TMPPE: variants seen among roughly 807,000 people sequenced by gnomAD.
The protein encoded by TMPPE is transmembrane protein with metallophosphoesterase domain.
TMPPE carries 16 observed loss-of-function variants against 22.6 expected under a neutral mutation model. That is an observed-to-expected ratio of 0.71 (90% CI 0.48 to 1.08). The LOEUF is 1.08. Among genes scored for constraint, TMPPE ranks in the 50% least tolerant of loss-of-function variants. The pLI is 0.00. For synonymous variants in TMPPE, 240 were observed against 245.3 expected, an observed-to-expected ratio of 0.98 and a Z score of 0.20; for missense variants, 526 against 584.3, an observed-to-expected ratio of 0.90 and a Z score of 1.03.
chr3:33,093,559 A>C lies in TMPPE; in HGVS notation c.637T>G (p.Ser213Ala), dbSNP rs547361328. Residue 213 changes from serine to alanine, a missense_variant, in exon 2 of 2, where the codon TCA becomes GCA. Transcript: ENST00000342462. The surrounding 1 kb of genome is among the most constrained non-coding windows in gnomAD (Gnocchi z 6.0). ...ACTGTGGGGCCCAAGTGAATGTCTG[A>C]GAGGAGCACGATCTTGAGGTTGTTC... is the stretch of plus-strand genomic sequence containing the variant. Reference protein sequence around the residue: ...SMNNLKIVLLSDIHLGPTVGR... With the variant: ...SMNNLKIVLLADIHLGPTVGR... The C allele has an allele frequency of 1.1e-5, 17 of 1,614,186 alleles. No homozygotes were observed. In the Admixed American group the frequency reaches 1.8e-4, roughly 17 times the overall value.
In TMPPE at chr3:33,092,691, C is replaced by T. The variant is rs72856190; in HGVS notation, c.*143G>A. Reference sequence around the variant, plus strand: ...TGCCAGGCAGGCCCACCATAAGTCACTGTTTGAGTCAGGCTTGTGACCAAG... The same window carrying T: ...TGCCAGGCAGGCCCACCATAAGTCATTGTTTGAGTCAGGCTTGTGACCAAG... On this transcript the variant is annotated 3_prime_UTR_variant, in exon 2 of 2. Transcript: ENST00000342462. The T allele has an allele frequency of 8.3e-3, 11,863 of 1,433,452 alleles. 398 individuals are homozygous for T. In the African/African-American group the frequency reaches 0.087, roughly 11 times the overall value. The allele number at this position is 1,433,452 out of a possible 1,614,324, so 88.8% of individuals were successfully genotyped here. A position where few individuals can be genotyped will look rare whatever the true frequency, so the allele number is the denominator to read the frequency against.
rs1258171189 is a variant in TMPPE at position 33,090,607 on chromosome 3, G to A, written c.*2227C>T. On this transcript the variant is annotated 3_prime_UTR_variant, in exon 2 of 2. Coordinates refer to ENST00000342462, the MANE Select transcript of TMPPE (RefSeq NM_001039770.3). ...AGTAACGTTTCTCACCACCTCCCCC[G>A]GCCACAAACAAACAAAAAGGTCCAT... 19 of 985,320 alleles carry A rather than the reference G, an allele frequency of 1.9e-5. No homozygotes were observed. The African/African-American group carries it at 2.4e-4, about 13-fold the overall frequency. 61.0% of individuals were successfully genotyped at this position (985,320 alleles called of 1,614,324 possible).
At position 33,096,896 on chromosome 3, in the gene TMPPE, T is replaced by A; in HGVS notation, c.-286A>T. The A allele has an allele frequency of 6.7e-7, 1 of 1,501,464 alleles. No homozygotes were observed. The highest frequency in any genetic ancestry group is 1.3e-5 in the South Asian group (1 of 78,856). The allele number at this position is 1,501,464 out of a possible 1,614,324, so 93.0% of individuals were successfully genotyped here. A position where few individuals can be genotyped will look rare whatever the true frequency, so the allele number is the denominator to read the frequency against. On this transcript the variant is annotated 5_prime_UTR_variant, in exon 1 of 2. It adds an upstream start codon to the 5' untranslated region. Coordinates refer to ENST00000342462, the MANE Select transcript of TMPPE (RefSeq NM_001039770.3). ...CGGCCGCGAGCCTGCTGGGGGGCAC[T>A]TCGGGGCTCAGGCTCCCCGCCCTGC...
In TMPPE at chr3:33,091,132, A is replaced by C; in HGVS notation, c.*1702T>G. 1 of 985,472 alleles carries C rather than the reference A, an allele frequency of 1.0e-6. No individual in the cohort carries two copies. The highest frequency in any genetic ancestry group is 1.2e-6 in the Non-Finnish European group (1 of 829,946). The allele number at this position is 985,472 out of a possible 1,614,324, so 61.0% of individuals were successfully genotyped here. A position where few individuals can be genotyped will look rare whatever the true frequency, so the allele number is the denominator to read the frequency against. On this transcript the variant is annotated 3_prime_UTR_variant, in exon 2 of 2. Coordinates refer to ENST00000342462, the MANE Select transcript of TMPPE (RefSeq NM_001039770.3). Reference sequence around the variant, plus strand: ...AACTTAAAGGGAGTAAGGATGATTCACAAAATGCGGTCGGGACACAAGAAA... The same window carrying C: ...AACTTAAAGGGAGTAAGGATGATTCCCAAAATGCGGTCGGGACACAAGAAA...
intron 1 of TMPPE, among the ~76,000 whole-genome samples, chr3:33,094,930 G>A (rs1206127952): frequency 6.6e-6 from 1 of 152,118 alleles, no homozygotes; most frequent in African/African-American, 2.4e-5. Flanking sequence ...ATTCTCTAGG[G>A]CTGGGCACAG....
chr3:33,091,631 A>G lies in TMPPE; in HGVS notation c.*1203T>C. The G allele has an allele frequency of 1.0e-6, 1 of 984,322 alleles. No homozygotes were observed. The highest frequency in any genetic ancestry group is 1.2e-6 in the Non-Finnish European group (1 of 828,898). The allele number at this position is 984,322 out of a possible 1,614,324, so 61.0% of individuals were successfully genotyped here. ...GATCCCTCCTGACAAAACAATCTTG[A>G]GGTAGATACGATAATTATCCCCATT... is the stretch of plus-strand genomic sequence containing the variant. On this transcript the variant is annotated 3_prime_UTR_variant, in exon 2 of 2. Coordinates refer to ENST00000342462, the MANE Select transcript of TMPPE (RefSeq NM_001039770.3).
chr3:33,093,216 T>C lies in TMPPE; in HGVS notation c.980A>G (p.Asp327Gly). 6.2e-7 allele frequency: 1 copy of C among 1,606,088 alleles called. No individual in the cohort carries two copies. The highest frequency in any genetic ancestry group is 8.5e-7 in the Non-Finnish European group (1 of 1,179,904). Reference protein sequence around the residue: ...GGSGSGSEDEDWICLAGVDDI... With the variant: ...GGSGSGSEDEGWICLAGVDDI... Reference sequence around the variant, plus strand: ...GTCCACCCCAGCCAAGCAGATCCAGTCCTCATCCTCACTCCCACTGCCACT... The same window carrying C: ...GTCCACCCCAGCCAAGCAGATCCAGCCCTCATCCTCACTCCCACTGCCACT... Residue 327 changes from aspartate (D) to glycine (G), a missense_variant, in exon 2 of 2, where the codon GAC (aspartate) becomes GGC (glycine). By Grantham distance (94) the Asp-to-Gly change is moderately conservative. Coordinates refer to ENST00000342462, the MANE Select transcript of TMPPE (RefSeq NM_001039770.3). The surrounding 1 kb of genome is among the most constrained non-coding windows in gnomAD (Gnocchi z 6.0).
chr3:33,092,201 A>T lies in TMPPE; in HGVS notation c.*633T>A, dbSNP rs145092087. 766 of 985,864 alleles carry T rather than the reference A, an allele frequency of 7.8e-4. 7 individuals carry two copies. The African/African-American group carries it at 0.012, about 15-fold the overall frequency. The allele number at this position is 985,864 out of a possible 1,614,324, so 61.1% of individuals were successfully genotyped here. On this transcript the variant is annotated 3_prime_UTR_variant, in exon 2 of 2. Transcript: ENST00000342462. ...CAAAGGCCCAGGAGCACAGACAGTT[A>T]AATAGCATCCCTCAAGGCCTGGAAC...
Position 33,090,499 on chromosome 3 carries a change from T to C in TMPPE, c.*2335A>G. 2 of 985,360 alleles carry C rather than the reference T, an allele frequency of 2.0e-6. No individual in the cohort carries two copies. The highest frequency in any genetic ancestry group is 2.4e-6 in the Non-Finnish European group (2 of 829,900). The allele number at this position is 985,360 out of a possible 1,614,324, so 61.0% of individuals were successfully genotyped here. A position where few individuals can be genotyped will look rare whatever the true frequency, so the allele number is the denominator to read the frequency against. On this transcript the variant is annotated 3_prime_UTR_variant, in exon 2 of 2. Transcript: ENST00000342462. ...TATACTACAGACACTATTGCTGATTTTCAAAAAGCATTGCATTTCAATTTG... is the reference window on the plus strand; with the variant it reads ...TATACTACAGACACTATTGCTGATTCTCAAAAAGCATTGCATTTCAATTTG...
chr3:33,096,164 T>C (rs1398294412), intron 1 of TMPPE, among the ~76,000 whole-genome samples: 1 of 152,128 alleles, frequency 6.6e-6, no homozygotes, highest in African/African-American at 2.4e-5. Context: ...GAACCAAAGT[T>C]GGTCCGCGGA....
chr3:33,096,949 C>G lies in TMPPE; in HGVS notation c.-339G>C. On this transcript the variant is annotated 5_prime_UTR_variant, in exon 1 of 2. Transcript: ENST00000342462. ...GACCGCGGGTGGCTGCGACCCCAGCCCGGTTCCCCGCCAGCCTGTCCCCTA... is the reference window on the plus strand; with the variant it reads ...GACCGCGGGTGGCTGCGACCCCAGCGCGGTTCCCCGCCAGCCTGTCCCCTA... The G allele has an allele frequency of 1.3e-6, 2 of 1,581,060 alleles. No individual in the cohort carries two copies. Among genetic ancestry groups the G allele is most frequent in the Non-Finnish European group, 1.7e-6 (2 of 1,165,084 alleles).
chr3:33,094,184 G>A lies in TMPPE; in HGVS notation c.12C>T (p.Phe4=). The A allele has an allele frequency of 6.2e-7, 1 of 1,601,154 alleles. No homozygotes were observed. The highest frequency in any genetic ancestry group is 1.7e-4 in the Middle Eastern group (1 of 5,986). ...CCTTCGCGCCTAGGGACAGCTGCCT[G>A]AAGATGGCCATTTTCTCTGCTCCTA... MAI[F]RQLSLGAKAT... Residue 4 remains phenylalanine, a synonymous_variant, in exon 2 of 2, where the codon TTC becomes TTT. Coordinates refer to ENST00000342462, the MANE Select transcript of TMPPE (RefSeq NM_001039770.3).
chr3:33,093,909 G>T lies in TMPPE; in HGVS notation c.287C>A (p.Ala96Asp). 6.2e-7 allele frequency: 1 copy of T among 1,613,988 alleles called. No homozygotes were observed. The highest frequency in any genetic ancestry group is 8.5e-7 in the Non-Finnish European group (1 of 1,179,978). The change falls in exon 2 of 2, where the codon GCC becomes GAC. Residue 96 changes from alanine (A) to aspartate (D), a missense_variant. Ala to Asp is a moderately radical substitution (Grantham distance 126). Coordinates refer to ENST00000342462, the MANE Select transcript of TMPPE (RefSeq NM_001039770.3). The surrounding 1 kb of genome is among the most constrained non-coding windows in gnomAD (Gnocchi z 6.0). ...GAACATGGTAAAGAAACTGGAATGG[G>T]CCAGGGCCAGAAATGCCAGAACCAC... ...KVVVLAFLAL[A>D]HSSFFTMFFL...
rs890672481 is a variant in TMPPE at position 33,090,570 on chromosome 3, G to T, written c.*2264C>A. 2.9e-5 allele frequency: 29 copies of T among 985,270 alleles called. No individual in the cohort carries two copies. Among genetic ancestry groups the T allele is most frequent in the Non-Finnish European group, 3.4e-5 (28 of 829,938 alleles). The allele number at this position is 985,270 out of a possible 1,614,324, so 61.0% of individuals were successfully genotyped here. The stretch of plus-strand genomic sequence containing the variant: ...AAGAAACAAATGAAATTGAAAGAAT[G>T]ATCAAGCTTCAAGTAACGTTTCTCA... On this transcript the variant is annotated 3_prime_UTR_variant, in exon 2 of 2. Transcript: ENST00000342462.
rs981020317 is a variant in TMPPE, at chr3:33,091,477, T to A, written c.*1357A>T. The A allele has an allele frequency of 1.0e-6, 1 of 985,384 alleles. No homozygotes were observed. Among genetic ancestry groups the A allele is most frequent in the African/African-American group, 1.7e-5 (1 of 57,244 alleles). 61.0% of individuals were successfully genotyped at this position (985,384 alleles called of 1,614,324 possible). A position where few individuals can be genotyped will look rare whatever the true frequency, so the allele number is the denominator to read the frequency against. ...ACTCACATTCCCCAGGACTGGCTGC[T>A]CCATGAATCCTCTGGGCACCTGTGC... On this transcript the variant is annotated 3_prime_UTR_variant, in exon 2 of 2. Coordinates refer to ENST00000342462, the MANE Select transcript of TMPPE (RefSeq NM_001039770.3).
chr3:33,095,210 C>CAAA lies in TMPPE; in HGVS notation c.-108-910_-108-908dup, dbSNP rs71630565. ...TGGGCAAAAGAGCGAGACTCTGTCT[C>CAAA]AAAAAAAAAAAAAAAAAAAAAAAAA... is the stretch of plus-strand genomic sequence containing the variant. On this transcript the variant is annotated intron_variant, in intron 1 of 1. Transcript: ENST00000342462. Among the ~76,000 whole-genome samples the CAAA allele has an allele frequency of 1.0e-3, 77 of 75,894 alleles. 1 individual carries two copies. Among genetic ancestry groups the CAAA allele is most frequent in the African/African-American group, 3.1e-3 (57 of 18,342 alleles). 49.8% of individuals were successfully genotyped at this position (75,894 alleles called of 152,430 possible). A position where few individuals can be genotyped will look rare whatever the true frequency, so the allele number is the denominator to read the frequency against.
Position 33,092,503 on chromosome 3 carries a change from CA to C in TMPPE, c.*330del, listed in dbSNP as rs1042879519. The C allele has an allele frequency of 1.9e-5, 21 of 1,082,112 alleles. No homozygotes were observed. In the African/African-American group the frequency reaches 3.4e-4, roughly 18 times the overall value. The allele number at this position is 1,082,112 out of a possible 1,614,324, so 67.0% of individuals were successfully genotyped here. A position where few individuals can be genotyped will look rare whatever the true frequency, so the allele number is the denominator to read the frequency against. ...ACCTTCTAGAGGTATGCCTTTCTAG[CA>C]ACCCCGAGGGGAGGTTCATCCCTGG... On this transcript the variant is annotated 3_prime_UTR_variant, in exon 2 of 2. Transcript: ENST00000342462.
Position 33,092,269 on chromosome 3 carries a change from A to G in TMPPE, c.*565T>C, listed in dbSNP as rs1247524526. 5.1e-6 allele frequency: 5 copies of G among 986,190 alleles called. No homozygotes were observed. The highest frequency in any genetic ancestry group is 1.7e-5 in the African/African-American group (1 of 57,232). 61.1% of individuals were successfully genotyped at this position (986,190 alleles called of 1,614,324 possible). On this transcript the variant is annotated 3_prime_UTR_variant, in exon 2 of 2. Coordinates refer to ENST00000342462, the MANE Select transcript of TMPPE (RefSeq NM_001039770.3). Reference sequence around the variant, plus strand: ...CCAGTAGATTTTGCTGATGCCCTCAATAGAGGTGATCCTGATAGAATCAGA... The same window carrying G: ...CCAGTAGATTTTGCTGATGCCCTCAGTAGAGGTGATCCTGATAGAATCAGA...
rs1701069638 is a variant in TMPPE, at chr3:33,097,124, C to T, written c.-514G>A. The T allele has an allele frequency of 1.2e-6, 2 of 1,607,068 alleles. No individual in the cohort carries two copies. The highest frequency in any genetic ancestry group is 1.1e-5 in the South Asian group (1 of 90,222). On this transcript the variant is annotated 5_prime_UTR_variant, in exon 1 of 2. Coordinates refer to ENST00000342462, the MANE Select transcript of TMPPE (RefSeq NM_001039770.3). ...CCGGCTCTGCAGTCGGCGCCCAGGC[C>T]GGCCGCTTCGCGTCACTTGACTAAG...
Sources: allele counts gnomAD v4.1 joint callset (sites outside exome capture counted in the v4.1 genomes callset), GRCh38; gene constraint gnomAD v4.1.1; non-coding constraint Gnocchi (gnomAD v3.1); transcripts MANE v1.5; gene names NCBI Gene and HGNC (gene_info 2026-07-23, HGNC 2026-07-21).